The following PLXNA4 variants were observed in gnomAD, a reference collection of about 807,000 sequenced individuals.
PLXNA4 encodes plexin-A4.
A neutral mutation model predicts 191.8 loss-of-function variants in PLXNA4; 44 were observed. The ratio of observed to expected loss-of-function variants is 0.23; its 90% confidence interval spans 0.18 to 0.29. PLXNA4 has a LOEUF of 0.29. PLXNA4 is among the 10% of genes least tolerant of loss of function. PLXNA4 has a pLI of 1.00. For synonymous variants in PLXNA4, 1,082 were observed against 1,009.5 expected (o/e 1.07, Z -1.36); for missense variants, 1,800 against 2,488.8 (o/e 0.72, Z 5.89).
chr7:132,206,635 T>C (rs1797630980), intron 10 of PLXNA4, among the ~76,000 whole-genome samples: 1 of 152,134 alleles, frequency 6.6e-6, no homozygotes, highest in Non-Finnish European at 1.5e-5. Flanking sequence ...TCAGCCCCGC[T>C]CTGTCTCTAG....
At chr7:132,581,334 C>A (rs1257303306), upstream of PLXNA4, among the ~76,000 whole-genome samples, 1 of 152,242 alleles carries the variant, frequency 6.6e-6, no homozygotes, top group African/African-American at 2.4e-5. Flanking sequence ...GTAGACCCAA[C>A]TGTTCCAGGC....
At chr7:132,191,337 A>C (rs554264719) in intron 14 of PLXNA4, among the ~76,000 whole-genome samples, 6 of 152,174 alleles carry the variant, frequency 3.9e-5, no homozygotes, top group Non-Finnish European at 8.8e-5. Flanking sequence ...ACAGCCCAAC[A>C]GGATTGTAGG....
intron 2 of PLXNA4, among the ~76,000 whole-genome samples, chr7:132,594,505 G>A (rs1392288755): frequency 6.6e-6 from 1 of 152,222 alleles, no homozygotes; most frequent in African/African-American, 2.4e-5. Flanking sequence ...TTTCTATAAG[G>A]TGAGCAAGTT....
At chr7:132,414,517 G>A (rs1275989958) in intron 3 of PLXNA4, among the ~76,000 whole-genome samples, 4 of 152,142 alleles carry the variant, frequency 2.6e-5, no homozygotes, top group Non-Finnish European at 4.4e-5. Context: ...CGAGATGGTA[G>A]GGAGGGGAGA....
At chr7:132,563,495 T>G (rs868255859) in intron 1 of PLXNA4, among the ~76,000 whole-genome samples, 2 of 22,088 alleles carry the variant, frequency 9.1e-5, no homozygotes, top group Non-Finnish European at 1.8e-4. Context: ...TCCTCCTCCT[T>G]CTCCTCCTCC....
In PLXNA4 at chr7:132,165,679, C is replaced by T. The variant is rs144800272; in HGVS notation, c.4287-479G>A. Among the ~76,000 whole-genome samples, 184 of 150,916 alleles carry T rather than the reference C, an allele frequency of 1.2e-3. 2 individuals carry two copies. In the Middle Eastern group the frequency reaches 0.021, roughly 17 times the overall value. On this transcript the variant is annotated intron_variant, in intron 22 of 31. Coordinates refer to ENST00000321063, the MANE Select transcript of PLXNA4 (RefSeq NM_020911.2). Reference sequence around the variant, plus strand: ...ATAGCTATCCTATTAGATAGTATAACCTTAGAGAACTTTATAGGCTAGTTG... The same window carrying T: ...ATAGCTATCCTATTAGATAGTATAATCTTAGAGAACTTTATAGGCTAGTTG...
At chr7:132,501,281 A>T (rs1390438759) in intron 2 of PLXNA4, among the ~76,000 whole-genome samples, 1 of 152,240 alleles carries the variant, frequency 6.6e-6, no homozygotes, top group Non-Finnish European at 1.5e-5. Context: ...CGAGGAGGAC[A>T]GACATCAAGG....
At position 132,172,227 on chromosome 7, in the gene PLXNA4, C is replaced by T. The variant is rs547854416; in HGVS notation, c.4017+2551G>A. On this transcript the variant is annotated intron_variant, in intron 21 of 31. Coordinates refer to ENST00000321063, the MANE Select transcript of PLXNA4 (RefSeq NM_020911.2). ...TTAGTTGAAGTCTGTGAGTATAAAACTGGATAGTAAATTTTAATTGTAACC... is the reference window on the plus strand; with the variant it reads ...TTAGTTGAAGTCTGTGAGTATAAAATTGGATAGTAAATTTTAATTGTAACC... Among the ~76,000 whole-genome samples the T allele has an allele frequency of 3.3e-5, 5 of 152,306 alleles. No individual in the cohort carries two copies. The South Asian group carries it at 1.0e-3, about 32-fold the overall frequency.
chr7:132,352,601 T>C (rs1333281794), intron 3 of PLXNA4, among the ~76,000 whole-genome samples: 2 of 152,110 alleles, frequency 1.3e-5, no homozygotes, highest in African/African-American at 4.8e-5. Context: ...AGAACCTGAA[T>C]ACAGGAGGGA....
At chr7:132,548,913 A>G (rs527260435) in intron 1 of PLXNA4, among the ~76,000 whole-genome samples, 1 of 152,328 alleles carries the variant, frequency 6.6e-6, no homozygotes, top group South Asian at 2.1e-4. Context: ...ACTGCTCATT[A>G]TATGCTAATT....
chr7:132,460,016 T>C (rs567805327), intron 3 of PLXNA4, among the ~76,000 whole-genome samples: 5 of 148,982 alleles, frequency 3.4e-5, no homozygotes, highest in Admixed American at 2.0e-4. Flanking sequence ...TGGCAACCGA[T>C]AGCAAGAATA....
At chr7:132,374,402 C>T (rs7803182) in intron 3 of PLXNA4, among the ~76,000 whole-genome samples, 51,127 of 151,982 alleles carry the variant, frequency 0.34, 10,190 homozygotes, top group African/African-American at 0.53. Flanking sequence ...TAATACCACA[C>T]GACAGGCTCC....
intron 1 of PLXNA4, among the ~76,000 whole-genome samples, chr7:132,561,627 TC>T: frequency 8.1e-6 from 1 of 123,872 alleles, no homozygotes. Context: ...CTCCTCCTCT[TC>T]CTCCTCCTCC....
At chr7:132,592,360 A>G (rs1802616891) in intron 2 of PLXNA4, among the ~76,000 whole-genome samples, 1 of 152,174 alleles carries the variant, frequency 6.6e-6, no homozygotes, top group Non-Finnish European at 1.5e-5. Flanking sequence ...TTAGCGGCTC[A>G]GCTAGAATGC....
intron 2 of PLXNA4, among the ~76,000 whole-genome samples, chr7:132,495,107 G>A (rs921019436): frequency 6.6e-6 from 1 of 152,198 alleles, no homozygotes. Flanking sequence ...ATGAGGCGGG[G>A]TGGGCCCCTG....
intron 3 of PLXNA4, among the ~76,000 whole-genome samples, chr7:132,436,265 C>T (rs1029431660): frequency 2.6e-5 from 4 of 152,220 alleles, no homozygotes; most frequent in African/African-American, 4.8e-5. Context: ...CTGCACACTC[C>T]GTCCAACTCT....
At chr7:132,268,169 G>T (rs1799926677) in intron 4 of PLXNA4, among the ~76,000 whole-genome samples, 1 of 152,194 alleles carries the variant, frequency 6.6e-6, no homozygotes, top group Non-Finnish European at 1.5e-5. Flanking sequence ...GCCACTCCAT[G>T]GTTTGCAGGG....
At chr7:132,566,086 G>C (rs549215786) in intron 1 of PLXNA4, among the ~76,000 whole-genome samples, 1 of 152,194 alleles carries the variant, frequency 6.6e-6, no homozygotes. Flanking sequence ...CCAGTGCAAT[G>C]CTTTATGAAT....
chr7:132,527,611 C>T (rs1031715500), intron 1 of PLXNA4, among the ~76,000 whole-genome samples: 1 of 149,132 alleles, frequency 6.7e-6, no homozygotes, highest in East Asian at 2.0e-4. Context: ...TAACAAGATT[C>T]AGTCCAAAGT....
Sources: allele counts gnomAD v4.1 joint callset (sites outside exome capture counted in the v4.1 genomes callset), GRCh38; gene constraint gnomAD v4.1.1; transcripts MANE v1.5; gene names NCBI Gene and HGNC (gene_info 2026-07-23, HGNC 2026-07-21).